The following PSTPIP2 variants were observed in gnomAD, a reference collection of about 807,000 sequenced individuals.
The protein encoded by PSTPIP2 is proline-serine-threonine phosphatase-interacting protein 2.
A neutral mutation model predicts 63.3 loss-of-function variants in PSTPIP2; 33 were observed. That is an observed-to-expected ratio of 0.52 (90% CI 0.40 to 0.70). The LOEUF (loss-of-function observed/expected upper bound fraction) is 0.70, where lower values mean the gene tolerates loss of function less well. Among genes scored for constraint, PSTPIP2 ranks in the 30% least tolerant of loss-of-function variants. The pLI is 0.00. For missense variants in PSTPIP2, 312 were observed against 400.7 expected (o/e 0.78, Z 1.89); for synonymous variants, 125 against 132.7 (o/e 0.94, Z 0.40).
intron 1 of PSTPIP2, among the ~76,000 whole-genome samples, chr18:46,066,683 A>G (rs1463248104): frequency 6.6e-6 from 1 of 152,154 alleles, no homozygotes; most frequent in African/African-American, 2.4e-5. Flanking sequence ...GTCCTTAATG[A>G]TATTCTCCTC....
At chr18:46,061,563 A>G (rs1908994151) in intron 1 of PSTPIP2, among the ~76,000 whole-genome samples, 1 of 152,186 alleles carries the variant, frequency 6.6e-6, no homozygotes, top group African/African-American at 2.4e-5. Context: ...GTAAAGGTCA[A>G]CCACTCTTAT....
At chr18:46,002,494 T>C (rs1428437047) in intron 6 of PSTPIP2, among the ~76,000 whole-genome samples, 1 of 152,244 alleles carries the variant, frequency 6.6e-6, no homozygotes, top group Non-Finnish European at 1.5e-5. Flanking sequence ...ACCAATTCTT[T>C]CTTCTGTCTC....
chr18:46,070,573 A>T (rs561635409), intron 1 of PSTPIP2, among the ~76,000 whole-genome samples: 1 of 152,308 alleles, frequency 6.6e-6, no homozygotes, highest in South Asian at 2.1e-4. Flanking sequence ...GAGTGCAGTG[A>T]TGTGATCATA....
At chr18:45,998,038 T>C (rs1004076106) in intron 8 of PSTPIP2, among the ~76,000 whole-genome samples, 6 of 152,018 alleles carry the variant, frequency 3.9e-5, no homozygotes, top group African/African-American at 1.4e-4. Context: ...ACTTTCTTTT[T>C]AAACATTGGA....
intron 4 of PSTPIP2, among the ~76,000 whole-genome samples, 191 bp downstream of exon 4, chr18:46,015,712 C>T (rs1322034625): frequency 6.6e-6 from 1 of 152,116 alleles, no homozygotes; most frequent in Non-Finnish European, 1.5e-5. Context: ...GGCAAACACA[C>T]ATCATGATGT....
At chr18:46,045,043 A>C (rs1484362817) in intron 1 of PSTPIP2, among the ~76,000 whole-genome samples, 1 of 152,170 alleles carries the variant, frequency 6.6e-6, no homozygotes, top group Non-Finnish European at 1.5e-5. Context: ...AAATAGGAAC[A>C]TTTTTACACT....
chr18:46,023,932 G>A (rs1196507032), intron 3 of PSTPIP2, among the ~76,000 whole-genome samples: 4 of 151,792 alleles, frequency 2.6e-5, no homozygotes, highest in Admixed American at 1.3e-4. Context: ...CCCTACCTAC[G>A]AAAAGGTGTA....
chr18:46,032,965 T>C (rs1907836900), intron 2 of PSTPIP2, among the ~76,000 whole-genome samples: 1 of 152,154 alleles, frequency 6.6e-6, no homozygotes, highest in Admixed American at 6.5e-5. Context: ...TTAAATATTT[T>C]GCTCAATTTT....
chr18:46,062,988 A>G (rs1418268010), intron 1 of PSTPIP2, among the ~76,000 whole-genome samples: 1 of 152,132 alleles, frequency 6.6e-6, no homozygotes. Flanking sequence ...CAGAACACTT[A>G]AGCCCTCATA....
chr18:46,029,764 C>G, intron 2 of PSTPIP2: 1 of 558,142 alleles, frequency 1.8e-6, no homozygotes, highest in Non-Finnish European at 3.3e-6. Flanking sequence ...AACTATTTCT[C>G]ATGTTTACGC....
In PSTPIP2 at chr18:46,005,482, T is replaced by C; in HGVS notation, c.404A>G (p.Lys135Arg). 6.2e-7 allele frequency: 1 copy of C among 1,600,866 alleles called. No homozygotes were observed. Among genetic ancestry groups the C allele is most frequent in the South Asian group, 1.1e-5 (1 of 90,220 alleles). ...AATGTGACTCACATCCATGGTTTTCTTGAATTGTAAGCTCTTTTGTTTATG... is the reference window on the plus strand; with the variant it reads ...AATGTGACTCACATCCATGGTTTTCCTGAATTGTAAGCTCTTTTGTTTATG... ...AIHKQKSLQF[K>R]KTMDAKKNYE... Residue 135 changes from lysine to arginine, a missense_variant, in exon 6 of 15, where the codon AAG becomes AGG. Coordinates refer to ENST00000409746, the MANE Select transcript of PSTPIP2 (RefSeq NM_024430.4).
At chr18:46,045,368 G>C (rs1213834253) in intron 1 of PSTPIP2, among the ~76,000 whole-genome samples, 3 of 152,104 alleles carry the variant, frequency 2.0e-5, no homozygotes, top group African/African-American at 7.2e-5. Flanking sequence ...GTAGGAACAT[G>C]GATGAAATTG....
At chr18:46,027,046 G>GT (rs1267771305) in intron 2 of PSTPIP2, among the ~76,000 whole-genome samples, 1 of 152,136 alleles carries the variant, frequency 6.6e-6, no homozygotes, top group African/African-American at 2.4e-5. Flanking sequence ...TGTAATCCCA[G>GT]TACTTTGGGA....
At chr18:45,997,932 G>A in intron 8 of PSTPIP2, 104 bp from the exon 9 acceptor site, 2 of 964,190 alleles carry the variant, frequency 2.1e-6, no homozygotes, top group Admixed American at 1.8e-5. Flanking sequence ...CATCCGAGTT[G>A]TGCTGAGCTT....
In PSTPIP2 at chr18:45,999,523, GTTC is replaced by G; in HGVS notation, c.426_428del (p.Lys142del). ...CTTTGTCCCGGCATTTCTGCTCATAGTTCTTCTTTGCCTTTGTCATTATGAACA... is the reference window on the plus strand; with the variant it reads ...CTTTGTCCCGGCATTTCTGCTCATAGTTCTTTGCCTTTGTCATTATGAACA... On this transcript the variant is annotated inframe_deletion, in exon 7 of 15. Coordinates refer to ENST00000409746, the MANE Select transcript of PSTPIP2 (RefSeq NM_024430.4). 6.2e-7 allele frequency: 1 copy of G among 1,614,154 alleles called. No homozygotes were observed. The highest frequency in any genetic ancestry group is 8.5e-7 in the Non-Finnish European group (1 of 1,180,014).
In PSTPIP2 at chr18:45,985,101, T is replaced by A. The variant is rs982568131; in HGVS notation, c.*358A>T. 18 of 292,710 alleles carry A rather than the reference T, an allele frequency of 6.1e-5. No individual in the cohort carries two copies. The highest frequency in any genetic ancestry group is 6.2e-5 in the Non-Finnish European group (10 of 160,214). The allele number at this position is 292,710 out of a possible 1,614,324, so 18.1% of individuals were successfully genotyped here. A position where few individuals can be genotyped will look rare whatever the true frequency, so the allele number is the denominator to read the frequency against. On this transcript the variant is annotated 3_prime_UTR_variant, in exon 15 of 15. Transcript: ENST00000409746. ...TGCCCAAAGCCAAAGGAGCCACTAC[T>A]GCAGTTGGTGGCTCAGAATCCTCTG... is the stretch of plus-strand genomic sequence containing the variant.
chr18:46,021,538 C>T (rs1045720417), intron 3 of PSTPIP2, among the ~76,000 whole-genome samples: 1 of 151,266 alleles, frequency 6.6e-6, no homozygotes, highest in Admixed American at 6.6e-5. Context: ...TTATATAGAG[C>T]CCTATAAATT....
chr18:46,031,491 C>T (rs1457118058), intron 2 of PSTPIP2, among the ~76,000 whole-genome samples: 5 of 152,178 alleles, frequency 3.3e-5, no homozygotes, highest in Non-Finnish European at 5.9e-5. Context: ...ATGTAAAGTG[C>T]ACCTGAAGCT....
At chr18:46,072,084 C>G (rs1187878432) in intron 1 of PSTPIP2, 72 bp downstream of exon 1, 1 of 1,497,860 alleles carries the variant, frequency 6.7e-7, no homozygotes, top group Non-Finnish European at 8.9e-7. Flanking sequence ...GAGCCCCCCA[C>G]GCCCGCCGCG....
Sources: allele counts gnomAD v4.1 joint callset (sites outside exome capture counted in the v4.1 genomes callset), GRCh38; gene constraint gnomAD v4.1.1; transcripts MANE v1.5; gene names NCBI Gene and HGNC (gene_info 2026-07-23, HGNC 2026-07-21).